Variants in TOP2B observed in about 807,000 individuals in gnomAD.
TOP2B encodes the protein DNA topoisomerase 2-beta.
Under a neutral mutation model 193.5 loss-of-function variants are expected in TOP2B, and 51 were observed. That is an observed-to-expected ratio of 0.26 (90% CI 0.21 to 0.33). The LOEUF (loss-of-function observed/expected upper bound fraction) is 0.33. Among genes scored for constraint, TOP2B ranks in the 10% least tolerant of loss-of-function variants. The pLI is 1.00. For missense variants in TOP2B, 1,378 were observed against 1,909.3 expected (o/e 0.72, Z 5.19); for synonymous variants, 634 against 635.7 (o/e 1.00, Z 0.04).
intron 35 of TOP2B, 25 bp from the exon 36 acceptor site, chr3:25,598,502 A>G: frequency 1.3e-6 from 2 of 1,531,060 alleles, no homozygotes; most frequent in South Asian, 1.3e-5. Flanking sequence ...AATAGATTTA[A>G]AAGTTATGAA....
Position 25,638,314 on chromosome 3 carries a change from T to TAAAAAAAA in TOP2B, c.396-12_396-5dup. On this transcript the variant is annotated splice_region_variant and splice_polypyrimidine_tract_variant and intron_variant, in intron 4 of 35. Transcript: ENST00000264331. The stretch of plus-strand genomic sequence containing the variant: ...AATGCTTATAATGTTAGATTCACTG[T>TAAAAAAAA]AAAAAAAAAAAAAAAAAAAAAAAAA... 49 of 131,926 alleles carry TAAAAAAAA rather than the reference T, an allele frequency of 3.7e-4. 9 individuals are homozygous for TAAAAAAAA. Among genetic ancestry groups the TAAAAAAAA allele is most frequent in the Non-Finnish European group, 4.5e-4 (43 of 96,430 alleles). The allele number at this position is 131,926 out of a possible 1,614,324, so 8.2% of individuals were successfully genotyped here. A position where few individuals can be genotyped will look rare whatever the true frequency, so the allele number is the denominator to read the frequency against.
chr3:25,628,320 C>T (rs1702864879), intron 15 of TOP2B, among the ~76,000 whole-genome samples: 2 of 151,600 alleles, frequency 1.3e-5, no homozygotes, highest in African/African-American at 4.8e-5. Context: ...TACAAAAATA[C>T]AAAAATTAGC....
chr3:25,620,138 G>T, intron 22 of TOP2B, 76 bp from the exon 23 acceptor site: 1 of 977,474 alleles, frequency 1.0e-6, no homozygotes, highest in Non-Finnish European at 1.5e-6. Flanking sequence ...ATACAGTCTT[G>T]AAAATTCTCA....
chr3:25,620,437 T>C (rs1702629868), intron 22 of TOP2B, among the ~76,000 whole-genome samples: 1 of 152,192 alleles, frequency 6.6e-6, no homozygotes, highest in African/African-American at 2.4e-5. Context: ...CTACTCCTTT[T>C]ATTTTAAATA....
intron 18 of TOP2B, among the ~76,000 whole-genome samples, chr3:25,625,553 A>T (rs934817415): frequency 7.9e-6 from 1 of 126,808 alleles, no homozygotes; most frequent in African/African-American, 3.2e-5. Context: ...TGTTTTTGCG[A>T]TTATTTTTGT....
intron 21 of TOP2B, among the ~76,000 whole-genome samples, chr3:25,621,511 G>A (rs979985553): frequency 2.0e-5 from 3 of 152,044 alleles, no homozygotes; most frequent in African/African-American, 7.2e-5. Flanking sequence ...ACAGATGCGT[G>A]CCACCATGTC....
rs1347758070 is a variant in TOP2B at position 25,604,797 on chromosome 3, T to C, written c.4452A>G (p.Thr1484=). Reference sequence around the variant, plus strand: ...CTACCGTTTTACTTGGAACTTTATCTGTCTGTTTCAGACCAAATGATGGTG... The same window carrying C: ...CTACCGTTTTACTTGGAACTTTATCCGTCTGTTTCAGACCAAATGATGGTG... ...VFSPSFGLKQ[T]DKVPSKTVAA... The change falls in exon 33 of 36, where the codon ACA becomes ACG. Residue 1484 remains threonine, a synonymous_variant. Transcript: ENST00000264331. 1 of 1,612,934 alleles carries C rather than the reference T, an allele frequency of 6.2e-7. No individual in the cohort carries two copies. Among genetic ancestry groups the C allele is most frequent in the Admixed American group, 1.7e-5 (1 of 59,960 alleles).
chr3:25,630,595 TG>T (rs1195433665), intron 11 of TOP2B, 126 bp from the exon 12 acceptor site: 2 of 876,054 alleles, frequency 2.3e-6, no homozygotes, highest in Non-Finnish European at 3.4e-6. Context: ...TTTACATTAT[TG>T]CTCAGTATAA....
At position 25,598,146 on chromosome 3, in the gene TOP2B, G is replaced by C. The variant is rs1220635344; in HGVS notation, c.*161C>G. ...AATGAGTAAAAAAGAGCATAAAACT[G>C]TATGTGTAAGAACAAAATGTTAAAA... On this transcript the variant is annotated 3_prime_UTR_variant, in exon 36 of 36. Transcript: ENST00000264331. 3 of 667,522 alleles carry C rather than the reference G, an allele frequency of 4.5e-6. No individual in the cohort carries two copies. The highest frequency in any genetic ancestry group is 4.7e-5 in the South Asian group (2 of 42,662). 41.3% of individuals were successfully genotyped at this position (667,522 alleles called of 1,614,324 possible). A position where few individuals can be genotyped will look rare whatever the true frequency, so the allele number is the denominator to read the frequency against.
rs114022686 is a variant in TOP2B, at chr3:25,658,218, C to T, written c.69+6011G>A. Among the ~76,000 whole-genome samples, 758 of 151,480 alleles carry T rather than the reference C, an allele frequency of 5.0e-3. 8 individuals are homozygous for T. Among genetic ancestry groups the T allele is most frequent in the African/African-American group, 0.017 (723 of 41,376 alleles). On this transcript the variant is annotated intron_variant, in intron 1 of 35. Coordinates refer to ENST00000264331, the MANE Select transcript of TOP2B (RefSeq NM_001330700.2). ...CACCCCAACCTGGGCAACAACAGAG[C>T]GAGATTCCATCTCAAAAAATATATA...
chr3:25,604,850 T>C lies in TOP2B; in HGVS notation c.4399A>G (p.Asn1467Asp). Residue 1467 changes from asparagine to aspartate, a missense_variant, in exon 33 of 36, where the codon AAT becomes GAT. Asn to Asp is a conservative substitution (Grantham distance 23). Around this residue, in one of 9 missense-constraint regions of TOP2B, gnomAD observed 556 missense variants for 584.2 expected, o/e 0.95. Transcript: ENST00000264331. ...SEDDSAKFDS[N>D]EEDSASVFSP... ...AAAACAGAAGCAGAATCTTCTTCAT[T>C]ACTGTCAAATTTAGCTGAATCTAAA... The C allele has an allele frequency of 6.2e-7, 1 of 1,612,610 alleles. No individual in the cohort carries two copies. Among genetic ancestry groups the C allele is most frequent in the South Asian group, 1.1e-5 (1 of 91,010 alleles).
chr3:25,638,312 TGTAAAAAAAAAAAAAAAAAAAAAA>T lies in TOP2B; in HGVS notation c.396-26_396-3del. 6.3e-6 allele frequency: 1 copy of T among 158,892 alleles called. No homozygotes were observed. Among genetic ancestry groups the T allele is most frequent in the Non-Finnish European group, 9.5e-6 (1 of 105,436 alleles). 9.8% of individuals were successfully genotyped at this position (158,892 alleles called of 1,614,324 possible). On this transcript the variant is annotated splice_region_variant and splice_polypyrimidine_tract_variant and intron_variant, in intron 4 of 35. Transcript: ENST00000264331. ...CAAATGCTTATAATGTTAGATTCAC[TGTAAAAAAAAAAAAAAAAAAAAAA>T]AAAAAAAAAAAAAAAAGCAGAATTT...
At position 25,611,929 on chromosome 3, in the gene TOP2B, G is replaced by C. The variant is rs1009355808; in HGVS notation, c.3786+586C>G. 2.0e-5 allele frequency among the ~76,000 whole-genome samples: 3 copies of C among 151,858 alleles called. No homozygotes were observed. In the East Asian group the frequency reaches 5.8e-4, roughly 29 times the overall value. ...TGTTTTGTTTTGTTTTGGCTTCCAA[G>C]ATTTTTATTTTTATTTATTTATTTT... On this transcript the variant is annotated intron_variant, in intron 28 of 35. Transcript: ENST00000264331.
At chr3:25,599,809 T>C (rs150944441) in intron 34 of TOP2B, among the ~76,000 whole-genome samples, 2 of 152,364 alleles carry the variant, frequency 1.3e-5, no homozygotes, top group African/African-American at 4.8e-5. Context: ...TTGTATTTGC[T>C]ATTTGGTCCT....
chr3:25,636,739 A>C (rs888971384), intron 6 of TOP2B, among the ~76,000 whole-genome samples: 1 of 152,082 alleles, frequency 6.6e-6, no homozygotes, highest in African/African-American at 2.4e-5. Flanking sequence ...TTTTCCTGAG[A>C]AAATTATTTT....
chr3:25,609,508 T>C (rs890001147), intron 29 of TOP2B, 60 bp downstream of exon 29: 5 of 1,548,746 alleles, frequency 3.2e-6, no homozygotes, highest in Non-Finnish European at 1.7e-6. Context: ...AAGAATCTAG[T>C]AATACTCTAT....
At chr3:25,624,645 AT>A (rs754637160) in intron 19 of TOP2B, 36 bp downstream of exon 19, 6 of 1,606,058 alleles carry the variant, frequency 3.7e-6, no homozygotes, top group South Asian at 1.1e-5. Flanking sequence ...CAAGACAATA[AT>A]TACAGTTCTC....
intron 27 of TOP2B, 25 bp downstream of exon 27, chr3:25,615,180 A>G (rs1402452406): frequency 1.3e-6 from 2 of 1,580,726 alleles, no homozygotes; most frequent in Admixed American, 3.7e-5. Flanking sequence ...TTTTCCAAAT[A>G]AATTTTAATA....
chr3:25,599,724 T>G (rs1702041654), intron 34 of TOP2B, among the ~76,000 whole-genome samples, 195 bp from the exon 35 acceptor site: 1 of 152,230 alleles, frequency 6.6e-6, no homozygotes, highest in South Asian at 2.1e-4. Context: ...AAAGACTTTT[T>G]GACAAATACA....
Sources: gnomAD v4.1 joint callset for allele counts (sites outside exome capture counted in the v4.1 genomes callset) on GRCh38, gnomAD v4.1.1 for gene constraint, gnomAD v4.1.1 regional missense constraint, MANE v1.5 for transcripts, NCBI Gene and HGNC (gene_info 2026-07-23, HGNC 2026-07-21) for gene names.